RIPK4: variants seen among roughly 807,000 people sequenced by gnomAD.
RIPK4 encodes receptor-interacting serine/threonine-protein kinase 4.
A neutral mutation model predicts 42.9 loss-of-function variants in RIPK4; 17 were observed. That is an observed-to-expected ratio of 0.40 (90% CI 0.27 to 0.59). The LOEUF (loss-of-function observed/expected upper bound fraction) is 0.59. Ranked by LOEUF, RIPK4 falls within the 20% of genes least tolerant of loss-of-function variation. The probability of loss-of-function intolerance (pLI) is 0.47; values close to 1 mark genes in which losing one functional copy is unlikely to be tolerated. For missense variants in RIPK4, 897 were observed against 1,104.4 expected, an observed-to-expected ratio of 0.81 and a Z score of 2.66; for synonymous variants, 498 against 499.1, an observed-to-expected ratio of 1.00 and a Z score of 0.03.
chr21:41,756,634 A>T lies in RIPK4; in HGVS notation c.365T>A (p.Ile122Asn). ...PLPWDLRFRI[I>N]HETAVGMNFL... ...GTTCATGCCCACCGCCGTCTCGTGG[A>T]TGATTCGGAACCGGAGATCCCATGG... The change falls in exon 2 of 8, where the codon ATC becomes AAC. Residue 122 changes from isoleucine to asparagine, a missense_variant. Ile to Asn is a moderately radical substitution (Grantham distance 149). Transcript: ENST00000332512. The T allele has an allele frequency of 6.2e-7, 1 of 1,613,866 alleles. No individual in the cohort carries two copies. Among genetic ancestry groups the T allele is most frequent in the Non-Finnish European group, 8.5e-7 (1 of 1,180,024 alleles).
Position 41,751,240 on chromosome 21 carries a change from A to C in RIPK4, c.480T>G (p.Ser160=). 3 of 1,614,176 alleles carry C rather than the reference A, an allele frequency of 1.9e-6. No individual in the cohort carries two copies. The highest frequency in any genetic ancestry group is 2.5e-6 in the Non-Finnish European group (3 of 1,179,996). ...CGTTGCACTTGGCCAGACCAAAATC[A>C]GAAATCTGCAACACAGCCATCAGAG... ...LLDAHYHVKI[S]DFGLAKCNGL... is the part of the protein sequence containing the mutation. The change falls in exon 3 of 8, where the codon TCT becomes TCG. Residue 160 remains serine, a synonymous_variant. Transcript: ENST00000332512. The surrounding 1 kb of genome is among the most constrained non-coding windows in gnomAD (Gnocchi z 4.5).
At position 41,746,719 on chromosome 21, in the gene RIPK4, G is replaced by C. The variant is rs976783887; in HGVS notation, c.726C>G (p.Pro242=). ...IMVKVVKGHR[P]ELPPVCRARP... Reference sequence around the variant, plus strand: ...GGGCTCTGCACACGGGCGGCAGCTCGGGGCGGTGGCCCTTCACCACCTTCA... The same window carrying C: ...GGGCTCTGCACACGGGCGGCAGCTCCGGGCGGTGGCCCTTCACCACCTTCA... Residue 242 remains proline, a synonymous_variant, in exon 5 of 8, where the codon CCC becomes CCG. Transcript: ENST00000332512. The C allele has an allele frequency of 6.2e-7, 1 of 1,609,060 alleles. No homozygotes were observed.
chr21:41,740,997 G>A lies in RIPK4; in HGVS notation c.2196C>T (p.Asp732=), dbSNP rs372475043. The change falls in exon 8 of 8, where the codon GAC becomes GAT. Residue 732 remains aspartate (D), a synonymous_variant. Coordinates refer to ENST00000332512, the MANE Select transcript of RIPK4 (RefSeq NM_020639.3). The stretch of plus-strand genomic sequence containing the variant: ...GGTGCAGCGCGCTGAGCCCCTGCTC[G>A]TCGAACAGGTCAATGACATCGGCGC... ...LVSADVIDLF[D]EQGLSALHLA... 3.0e-5 allele frequency: 49 copies of A among 1,610,190 alleles called. No individual in the cohort carries two copies. Among genetic ancestry groups the A allele is most frequent in the East Asian group, 1.8e-4 (8 of 44,802 alleles).
chr21:41,757,767 G>A (rs998841330), intron 1 of RIPK4, among the ~76,000 whole-genome samples: 7 of 151,470 alleles, frequency 4.6e-5, no homozygotes, highest in African/African-American at 1.2e-4. Flanking sequence ...TTGGGAGGCC[G>A]AAACAGGCAG....
intron 2 of RIPK4, among the ~76,000 whole-genome samples, chr21:41,752,490 C>A (rs2061191404): frequency 1.3e-5 from 2 of 152,178 alleles, no homozygotes; most frequent in African/African-American, 4.8e-5. Context: ...CCAGGAGCAC[C>A]AGGACAAGGC....
At chr21:41,757,481 C>T (rs999068633) in intron 1 of RIPK4, among the ~76,000 whole-genome samples, 4 of 149,646 alleles carry the variant, frequency 2.7e-5, no homozygotes, top group African/African-American at 9.9e-5. Context: ...GAAATCATGC[C>T]ACTGCACTCC....
At chr21:41,758,041 T>TATATATATAGAGAGAG (rs1452050960) in intron 1 of RIPK4, among the ~76,000 whole-genome samples, 2 of 58,482 alleles carry the variant, frequency 3.4e-5, no homozygotes, top group African/African-American at 1.0e-4. Flanking sequence ...TATATATATA[T>TATATATATAGAGAGAG]AGAGAGAGAG....
chr21:41,749,388 T>C (rs532224347), intron 3 of RIPK4, among the ~76,000 whole-genome samples, 185 bp from the exon 4 acceptor site: 139 of 152,260 alleles, frequency 9.1e-4, no homozygotes, highest in Non-Finnish European at 1.6e-3. Flanking sequence ...AGCATGTTGA[T>C]AGCTCAGATG....
chr21:41,761,537 CG>C (rs2061220352), intron 1 of RIPK4, among the ~76,000 whole-genome samples: 1 of 152,146 alleles, frequency 6.6e-6, no homozygotes, highest in African/African-American at 2.4e-5. Flanking sequence ...AAAGTCCTTC[CG>C]TAGGACTCAG....
intron 2 of RIPK4, among the ~76,000 whole-genome samples, chr21:41,752,620 G>A (rs13048300): frequency 0.1 from 15,188 of 152,224 alleles, 1,036 homozygotes; most frequent in Middle Eastern, 0.21. Context: ...CCAGAGGAAC[G>A]CCATCACCCG....
chr21:41,748,168 G>A (rs992092284), intron 4 of RIPK4, among the ~76,000 whole-genome samples: 2 of 152,196 alleles, frequency 1.3e-5, no homozygotes, highest in Admixed American at 6.5e-5. Context: ...GGCAGGACGC[G>A]TTCTGTGCTT....
At chr21:41,757,283 G>A (rs1400171293) in intron 1 of RIPK4, among the ~76,000 whole-genome samples, 1 of 152,138 alleles carries the variant, frequency 6.6e-6, no homozygotes, top group Non-Finnish European at 1.5e-5. Flanking sequence ...CACTTTGACA[G>A]GCCAAGGCGG....
At chr21:41,763,087 G>A (rs532730959) in intron 1 of RIPK4, among the ~76,000 whole-genome samples, 25 of 152,214 alleles carry the variant, frequency 1.6e-4, no homozygotes, top group Non-Finnish European at 3.1e-4. Flanking sequence ...CTGCTTCCAC[G>A]CAGGAACGGG....
chr21:41,754,927 T>A (rs1405317310), intron 2 of RIPK4, among the ~76,000 whole-genome samples: 1 of 152,242 alleles, frequency 6.6e-6, no homozygotes, highest in East Asian at 1.9e-4. Flanking sequence ...AAGCAGAGAC[T>A]CAGCGAGAAC....
Position 41,746,614 on chromosome 21 carries a change from T to C in RIPK4, c.831A>G (p.Gln277=), listed in dbSNP as rs2061172223. The change falls in exon 5 of 8, where the codon CAA becomes CAG. Residue 277 remains glutamine (Q), a splice_region_variant and synonymous_variant. Coordinates refer to ENST00000332512, the MANE Select transcript of RIPK4 (RefSeq NM_020639.3). ...QGDPRVRPTF[Q]EITSETEDLC... ...GCGGGGAGACCCCGGGGTGCTCACC[T>C]TGGAAGGTGGGCCTAACTCGCGGAT... The C allele has an allele frequency of 6.2e-7, 1 of 1,608,964 alleles. No homozygotes were observed. Among genetic ancestry groups the C allele is most frequent in the East Asian group, 2.2e-5 (1 of 44,858 alleles).
At chr21:41,746,520 T>C in intron 5 of RIPK4, 93 bp downstream of exon 5, 1 of 1,462,634 alleles carries the variant, frequency 6.8e-7, no homozygotes, top group African/African-American at 1.4e-5. Flanking sequence ...GCCTTGTTTC[T>C]CACCCAGGCC....
intron 1 of RIPK4, among the ~76,000 whole-genome samples, chr21:41,758,065 GAGAGAGA>G (rs2061210564): frequency 7.5e-6 from 1 of 133,102 alleles, no homozygotes; most frequent in African/African-American, 3.0e-5. Flanking sequence ...GAGAGAGAGA[GAGAGAGA>G]GAGAAAATGT....
chr21:41,762,333 T>C lies in RIPK4; in HGVS notation c.182+4527A>G, dbSNP rs544828710. Among the ~76,000 whole-genome samples the C allele has an allele frequency of 2.6e-5, 4 of 152,182 alleles. No homozygotes were observed. The East Asian group carries it at 7.7e-4, about 29-fold the overall frequency. ...GGCCCAGGAGTGGGGGTGGGGCGGC[T>C]CCCTTGCCTACCAGCCTGGATTTCG... is the stretch of plus-strand genomic sequence containing the variant. On this transcript the variant is annotated intron_variant, in intron 1 of 7. Transcript: ENST00000332512.
chr21:41,740,526 T>TC lies in RIPK4; in HGVS notation c.*311_*312insG. 2.7e-6 allele frequency: 1 copy of TC among 366,386 alleles called. No individual in the cohort carries two copies. The highest frequency in any genetic ancestry group is 4.9e-6 in the Non-Finnish European group (1 of 202,888). The allele number at this position is 366,386 out of a possible 1,614,324, so 22.7% of individuals were successfully genotyped here. ...AGGAGAGAGTGGATGCTTCCACGCC[T>TC]GGGGCTTCATCACTGAGAGACCAGC... On this transcript the variant is annotated 3_prime_UTR_variant, in exon 8 of 8. Coordinates refer to ENST00000332512, the MANE Select transcript of RIPK4 (RefSeq NM_020639.3).
Sources: gnomAD v4.1 joint callset for allele counts (sites outside exome capture counted in the v4.1 genomes callset) on GRCh38, gnomAD v4.1.1 for gene constraint, Gnocchi (gnomAD v3.1) non-coding constraint, MANE v1.5 for transcripts, NCBI Gene and HGNC (gene_info 2026-07-23, HGNC 2026-07-21) for gene names.